Variants in AP4E1 observed in about 807,000 individuals in gnomAD.
AP4E1 encodes the protein adaptor related protein complex 4 subunit epsilon 1.
AP4E1 carries 56 observed loss-of-function variants against 128.2 expected under a neutral mutation model. The observed-to-expected ratio is 0.44, with a 90% CI of 0.35 to 0.55. The LOEUF (loss-of-function observed/expected upper bound fraction) is 0.55, where lower values mean the gene tolerates loss of function less well. AP4E1 is among the 20% of genes least tolerant of loss of function. The pLI is 0.00. For missense variants in AP4E1, 1,324 were observed against 1,307.7 expected (o/e 1.01, Z -0.19); for synonymous variants, 484 against 473.1 (o/e 1.02, Z -0.30).
Position 50,908,751 on chromosome 15 carries a change from G to T in AP4E1, c.-28G>T. 3.3e-6 allele frequency: 5 copies of T among 1,507,032 alleles called. No individual in the cohort carries two copies. The highest frequency in any genetic ancestry group is 4.4e-6 in the Non-Finnish European group (5 of 1,130,074). 93.4% of individuals were successfully genotyped at this position (1,507,032 alleles called of 1,614,324 possible). ...GCCGGGCGGCTACGGGATCGCGGGC[G>T]GCGGCGGCATCGCGGGCGGCGGCGG... is the stretch of plus-strand genomic sequence containing the variant. On this transcript the variant is annotated 5_prime_UTR_variant, in exon 1 of 21. Coordinates refer to ENST00000261842, the MANE Select transcript of AP4E1 (RefSeq NM_007347.5).
intron 17 of AP4E1, among the ~76,000 whole-genome samples, chr15:50,994,577 CTAAT>C (rs1363113083): frequency 6.6e-6 from 1 of 152,150 alleles, no homozygotes; most frequent in Non-Finnish European, 1.5e-5. Context: ...ATATTAATAA[CTAAT>C]GTATCTTAAT....
chr15:50,936,511 C>G lies in AP4E1; in HGVS notation c.943+1814C>G, dbSNP rs575197139. Among the ~76,000 whole-genome samples the G allele has an allele frequency of 6.7e-4, 102 of 152,188 alleles. 1 individual carries two copies. Among genetic ancestry groups the G allele is most frequent in the African/African-American group, 2.0e-3 (83 of 41,510 alleles). Reference sequence around the variant, plus strand: ...GGGTATACAATGAACAGTAAGTGTCCTTTCCACCCTTATCACCCACCACCC... The same window carrying G: ...GGGTATACAATGAACAGTAAGTGTCGTTTCCACCCTTATCACCCACCACCC... On this transcript the variant is annotated intron_variant, in intron 8 of 20. Transcript: ENST00000261842.
In AP4E1 at chr15:50,913,835, A is replaced by T. The variant is rs141317607; in HGVS notation, c.223-1613A>T. 3.4e-3 allele frequency among the ~76,000 whole-genome samples: 512 copies of T among 151,988 alleles called. 2 individuals carry two copies. The highest frequency in any genetic ancestry group is 0.01 in the Middle Eastern group (3 of 294). On this transcript the variant is annotated intron_variant, in intron 2 of 20. Coordinates refer to ENST00000261842, the MANE Select transcript of AP4E1 (RefSeq NM_007347.5). The stretch of plus-strand genomic sequence containing the variant: ...TTTTTGGGGGCGGCAGGGTGGGAGG[A>T]TGGAGTCTTGCTCTGTTGCCTAGGC...
chr15:50,948,776 C>T (rs1596477010), intron 11 of AP4E1, among the ~76,000 whole-genome samples: 2 of 151,708 alleles, frequency 1.3e-5, no homozygotes, highest in South Asian at 2.1e-4. Context: ...AGTTTGAGAC[C>T]AGCCTGACCA....
chr15:50,956,224 T>G (rs1174801815), intron 13 of AP4E1, among the ~76,000 whole-genome samples: 1 of 152,220 alleles, frequency 6.6e-6, no homozygotes, highest in Non-Finnish European at 1.5e-5. Flanking sequence ...TTACCTGTTC[T>G]TCTGGAGCTA....
In AP4E1 at chr15:51,001,161, A is replaced by AC; in HGVS notation, c.3232dup (p.Leu1078ProfsTer5). ...TAAAGACTCTGCAACAGAAACTAAGACTCCATATTATTGAGATTATAGGTT... is the reference window on the plus strand; with the variant it reads ...TAAAGACTCTGCAACAGAAACTAAGACCTCCATATTATTGAGATTATAGGTT... On this transcript the variant is annotated frameshift_variant, in exon 20 of 21. Coordinates refer to ENST00000261842, the MANE Select transcript of AP4E1 (RefSeq NM_007347.5). LOFTEE classifies it high-confidence loss of function. The AC allele has an allele frequency of 6.2e-7, 1 of 1,613,426 alleles. No individual in the cohort carries two copies. Among genetic ancestry groups the AC allele is most frequent in the Non-Finnish European group, 8.5e-7 (1 of 1,179,716 alleles).
intron 16 of AP4E1, 91 bp from the exon 17 acceptor site, chr15:50,993,279 A>G (rs1216051867): frequency 5.9e-6 from 8 of 1,357,066 alleles, no homozygotes; most frequent in East Asian, 2.3e-5. Context: ...TTAAAAGGCC[A>G]TGGGCATTGA....
At chr15:50,977,726 T>TTTTTTTTTTTTA (rs2064577453) in intron 15 of AP4E1, among the ~76,000 whole-genome samples, 1 of 149,760 alleles carries the variant, frequency 6.7e-6, no homozygotes, top group African/African-American at 2.5e-5. Flanking sequence ...TTTTTTTTTT[T>TTTTTTTTTTTTA]AGACAGAGTC....
chr15:50,967,228 C>G (rs889468110), intron 14 of AP4E1, among the ~76,000 whole-genome samples: 1 of 152,176 alleles, frequency 6.6e-6, no homozygotes, highest in Non-Finnish European at 1.5e-5. Context: ...ATGTCCATGA[C>G]TTAATCTCTG....
Position 50,977,188 on chromosome 15 carries a change from AT to A in AP4E1, c.1967-6832del, listed in dbSNP as rs144305296. 4.4e-3 allele frequency among the ~76,000 whole-genome samples: 677 copies of A among 152,272 alleles called. 4 individuals are homozygous for A. The highest frequency in any genetic ancestry group is 0.015 in the African/African-American group (633 of 41,544). On this transcript the variant is annotated intron_variant, in intron 15 of 20. Coordinates refer to ENST00000261842, the MANE Select transcript of AP4E1 (RefSeq NM_007347.5). ...CTGGGTTTCCACAGTGGGAGGTATG[AT>A]TCCGTTGTCATACTTCCTTATTTTC... is the stretch of plus-strand genomic sequence containing the variant.
intron 16 of AP4E1, among the ~76,000 whole-genome samples, chr15:50,987,467 A>T (rs551106592): frequency 2.0e-5 from 3 of 152,168 alleles, no homozygotes; most frequent in African/African-American, 7.2e-5. Context: ...TCTACACACT[A>T]CTTTAAATGT....
chr15:50,999,357 G>A, intron 19 of AP4E1, 95 bp downstream of exon 19: 1 of 1,068,574 alleles, frequency 9.4e-7, no homozygotes. Context: ...GGGTGCTAGG[G>A]AGTATAACAG....
At position 50,958,610 on chromosome 15, in the gene AP4E1, C is replaced by T. The variant is rs1234309159; in HGVS notation, c.1667C>T (p.Ala556Val). 3.7e-6 allele frequency: 6 copies of T among 1,614,120 alleles called. No homozygotes were observed. Among genetic ancestry groups the T allele is most frequent in the Admixed American group, 3.3e-5 (2 of 60,014 alleles). ...VSSETKAWLIAAVTKLTSQAH... is the reference protein window; with the variant it reads ...VSSETKAWLIVAVTKLTSQAH... ...TCAGAAACAAAAGCCTGGTTAATTG[C>T]TGCTGTGACCAAATTGACATCTCAG... Residue 556 changes from alanine (A) to valine (V), a missense_variant, in exon 14 of 21, where the codon GCT becomes GTT. Physicochemically the swap from Ala to Val is moderately conservative, Grantham distance 64. Coordinates refer to ENST00000261842, the MANE Select transcript of AP4E1 (RefSeq NM_007347.5).
intron 8 of AP4E1, among the ~76,000 whole-genome samples, chr15:50,939,437 A>AT (rs1343587843): frequency 1.3e-5 from 2 of 152,130 alleles, no homozygotes; most frequent in African/African-American, 4.8e-5. Context: ...AAAAAAAAAA[A>AT]AGAAATTCTC....
At chr15:50,931,079 T>C (rs1175147333) in intron 7 of AP4E1, 108 bp downstream of exon 7, 22 of 1,367,518 alleles carry the variant, frequency 1.6e-5, no homozygotes, top group Middle Eastern at 2.1e-4. Flanking sequence ...CAATGTTTAA[T>C]TGGCTTAATA....
chr15:50,922,191 C>G (rs146817209), intron 3 of AP4E1, among the ~76,000 whole-genome samples: 1 of 147,570 alleles, frequency 6.8e-6, no homozygotes, highest in African/African-American at 2.5e-5. Flanking sequence ...AAAATTAGCT[C>G]GGTGTGATGG....
rs752742665 is a variant in AP4E1 at position 50,958,556 on chromosome 15, A to G, written c.1613A>G (p.Tyr538Cys). 37 of 1,614,078 alleles carry G rather than the reference A, an allele frequency of 2.3e-5. No individual in the cohort carries two copies. In the South Asian group the frequency reaches 2.7e-4, roughly 12 times the overall value. ...CCAGAGGAAGTTATAGCTAAGCTCT[A>G]CAAGTTACTTATGAATGACTCTGTG... ...ETPEEVIAKL[Y>C]KLLMNDSVSS... Residue 538 changes from tyrosine (Y) to cysteine (C), a missense_variant, in exon 14 of 21, where the codon TAC becomes TGC. By Grantham distance (194) the Tyr-to-Cys change is radical. Transcript: ENST00000261842.
chr15:50,934,236 G>C (rs1262394390), intron 7 of AP4E1, among the ~76,000 whole-genome samples: 2 of 151,678 alleles, frequency 1.3e-5, no homozygotes, highest in African/African-American at 2.4e-5. Flanking sequence ...ATGGTATCTG[G>C]GTAAAATACA....
intron 16 of AP4E1, among the ~76,000 whole-genome samples, chr15:50,984,642 CT>C (rs1026670623): frequency 2.6e-5 from 4 of 151,902 alleles, no homozygotes; most frequent in Admixed American, 6.6e-5. Flanking sequence ...TGAACTCATC[CT>C]TTTTTATGGC....
Sources: gnomAD v4.1 joint callset for allele counts (sites outside exome capture counted in the v4.1 genomes callset) on GRCh38, gnomAD v4.1.1 for gene constraint, MANE v1.5 for transcripts, NCBI Gene and HGNC (gene_info 2026-07-23, HGNC 2026-07-21) for gene names.